SEZ6L2: variants seen among roughly 807,000 people sequenced by gnomAD.
SEZ6L2 encodes the protein seizure related 6 homolog like 2.
Under a neutral mutation model 97.0 loss-of-function variants are expected in SEZ6L2, and 44 were observed. The observed-to-expected ratio is 0.45, with a 90% CI of 0.36 to 0.58. The LOEUF is 0.58. Among genes scored for constraint, SEZ6L2 ranks in the 20% least tolerant of loss-of-function variants. SEZ6L2 has a pLI of 0.00. For synonymous variants in SEZ6L2, 543 were observed against 546.1 expected (o/e 0.99, Z 0.08); for missense variants, 1,086 against 1,233.3 (o/e 0.88, Z 1.79).
Position 29,873,194 on chromosome 16 carries a change from C to G in SEZ6L2, c.2488+46G>C, listed in dbSNP as rs750881312. ...CTACCTGACTCTCCCAGCCCTGTCA[C>G]TTCCCGGACACTGGTGTGCCCCTCC... On this transcript the variant is annotated intron_variant, in intron 14 of 17. Transcript: ENST00000617533. This position sits in a 1 kb window ranked among gnomAD's most constrained non-coding sequence, Gnocchi z 4.3. 6.2e-7 allele frequency: 1 copy of G among 1,603,544 alleles called. No homozygotes were observed. The highest frequency in any genetic ancestry group is 2.2e-5 in the East Asian group (1 of 44,766).
Position 29,871,586 on chromosome 16 carries a change from T to A in SEZ6L2, c.*113A>T. On this transcript the variant is annotated 3_prime_UTR_variant, in exon 18 of 18. Coordinates refer to ENST00000617533, the MANE Select transcript of SEZ6L2 (RefSeq NM_001243332.2). ...CCCCCTCGTGGGATAGGGAGACTATTTACACAGCCAGGGAGGAGGGCAGCC... is the reference window on the plus strand; with the variant it reads ...CCCCCTCGTGGGATAGGGAGACTATATACACAGCCAGGGAGGAGGGCAGCC... The A allele has an allele frequency of 9.3e-7, 1 of 1,075,858 alleles. No individual in the cohort carries two copies. The allele number at this position is 1,075,858 out of a possible 1,614,324, so 66.6% of individuals were successfully genotyped here.
At chr16:29,879,182 C>T (rs1291190588) in intron 9 of SEZ6L2, among the ~76,000 whole-genome samples, 1 of 151,704 alleles carries the variant, frequency 6.6e-6, no homozygotes, top group Non-Finnish European at 1.5e-5. Flanking sequence ...GGATTACAGG[C>T]GTGAGACACT....
At position 29,876,646 on chromosome 16, in the gene SEZ6L2, C is replaced by G; in HGVS notation, c.2104+110G>C. On this transcript the variant is annotated intron_variant, in intron 12 of 17. Coordinates refer to ENST00000617533, the MANE Select transcript of SEZ6L2 (RefSeq NM_001243332.2). The surrounding 1 kb of genome is among the most constrained non-coding windows in gnomAD (Gnocchi z 6.5). ...CTTGAAGAAGATCCAGGAAGGACCC[C>G]GAGCGAAGGGATGGAACCCAGAAAG... The G allele has an allele frequency of 9.8e-7, 1 of 1,018,720 alleles. No individual in the cohort carries two copies. Among genetic ancestry groups the G allele is most frequent in the Non-Finnish European group, 1.4e-6 (1 of 717,548 alleles). 63.1% of individuals were successfully genotyped at this position (1,018,720 alleles called of 1,614,324 possible).
At position 29,874,175 on chromosome 16, in the gene SEZ6L2, G is replaced by A. The variant is rs560021164; in HGVS notation, c.2105-446C>T. On this transcript the variant is annotated intron_variant, in intron 12 of 17. Coordinates refer to ENST00000617533, the MANE Select transcript of SEZ6L2 (RefSeq NM_001243332.2). ...GGCTTAATTTTTTTCAAAATTCAAC[G>A]TATGTTATATTTCAGGCTTCGTTTA... Among the ~76,000 whole-genome samples the A allele has an allele frequency of 2.8e-4, 42 of 152,194 alleles. 2 individuals carry two copies. In the South Asian group the frequency reaches 7.5e-3, roughly 27 times the overall value.
chr16:29,896,506 C>T (rs1204359780), intron 3 of SEZ6L2, among the ~76,000 whole-genome samples: 3 of 151,982 alleles, frequency 2.0e-5, no homozygotes, highest in Non-Finnish European at 2.9e-5. Flanking sequence ...CTCGAACTCC[C>T]GACCTCAGGT....
chr16:29,871,471 G>C lies in SEZ6L2; in HGVS notation c.*228C>G. On this transcript the variant is annotated 3_prime_UTR_variant, in exon 18 of 18. Transcript: ENST00000617533. The stretch of plus-strand genomic sequence containing the variant: ...GAATCCAAAAGCCGGTAGGGCGGGG[G>C]GCAGGCCCCTCGTTTGGCAACTGAG... 3.3e-6 allele frequency: 2 copies of C among 603,490 alleles called. No homozygotes were observed. The highest frequency in any genetic ancestry group is 5.9e-6 in the Non-Finnish European group (2 of 336,868). 37.4% of individuals were successfully genotyped at this position (603,490 alleles called of 1,614,324 possible).
At chr16:29,887,079 G>T (rs1166138386) in intron 7 of SEZ6L2, among the ~76,000 whole-genome samples, 4 of 151,578 alleles carry the variant, frequency 2.6e-5, no homozygotes, top group Non-Finnish European at 5.9e-5. Flanking sequence ...TAATCAGGAG[G>T]CTGAGGCAGG....
chr16:29,888,074 T>G (rs903332324), intron 6 of SEZ6L2, among the ~76,000 whole-genome samples: 2 of 152,022 alleles, frequency 1.3e-5, no homozygotes, highest in Non-Finnish European at 2.9e-5. Context: ...ATGAAGACTC[T>G]CCAACTGCGG....
At chr16:29,893,324 CAAATAAATAAAT>C (rs746053606) in intron 5 of SEZ6L2, among the ~76,000 whole-genome samples, 4 of 151,288 alleles carry the variant, frequency 2.6e-5, no homozygotes, top group African/African-American at 7.3e-5. Context: ...AACTCCATCT[CAAATAAATAAAT>C]AAATAAATAA....
Position 29,876,688 on chromosome 16 carries a change from G to C in SEZ6L2, c.2104+68C>G. ...CCCAGAAAGCACGGGGGTCGGGACAGGACAGGCCGACGACGGGGCCCACAG... is the reference window on the plus strand; with the variant it reads ...CCCAGAAAGCACGGGGGTCGGGACACGACAGGCCGACGACGGGGCCCACAG... On this transcript the variant is annotated intron_variant, in intron 12 of 17. Transcript: ENST00000617533. This position sits in a 1 kb window ranked among gnomAD's most constrained non-coding sequence, Gnocchi z 6.5. The C allele has an allele frequency of 7.0e-7, 1 of 1,422,450 alleles. No individual in the cohort carries two copies. The highest frequency in any genetic ancestry group is 9.4e-7 in the Non-Finnish European group (1 of 1,061,650). 88.1% of individuals were successfully genotyped at this position (1,422,450 alleles called of 1,614,324 possible). A position where few individuals can be genotyped will look rare whatever the true frequency, so the allele number is the denominator to read the frequency against.
intron 6 of SEZ6L2, among the ~76,000 whole-genome samples, chr16:29,888,293 C>T (rs1400881608): frequency 6.6e-6 from 1 of 152,032 alleles, no homozygotes; most frequent in Non-Finnish European, 1.5e-5. Flanking sequence ...AGAATGGTGA[C>T]TCCCAAAATA....
At chr16:29,898,423 T>TTC (rs112555002) in intron 1 of SEZ6L2, among the ~76,000 whole-genome samples, 45,206 of 146,568 alleles carry the variant, frequency 0.31, 6,846 homozygotes, top group East Asian at 0.4. Context: ...TGGCTGTCTT[T>TTC]TCTCTCTCTC....
intron 5 of SEZ6L2, among the ~76,000 whole-genome samples, chr16:29,890,375 TG>T (rs2068245768): frequency 6.6e-6 from 1 of 152,068 alleles, no homozygotes; most frequent in South Asian, 2.1e-4. Context: ...TAGAACAAAG[TG>T]GTTTCAATAA....
In SEZ6L2 at chr16:29,877,323, C is replaced by T. The variant is rs376198309; in HGVS notation, c.1857G>A (p.Pro619=). ...GPDLTLQFQA[P]PGPPNPGLGQ... ...CCAGGCCTGGATTTGGGGGCCCGGG[C>T]GGTGCCTGAAACTGCAGTGTGAGGT... is the stretch of plus-strand genomic sequence containing the variant. The change falls in exon 11 of 18, where the codon CCG becomes CCA. Residue 619 remains proline, a synonymous_variant. Coordinates refer to ENST00000617533, the MANE Select transcript of SEZ6L2 (RefSeq NM_001243332.2). 1.9e-6 allele frequency: 3 copies of T among 1,611,224 alleles called. No individual in the cohort carries two copies. The highest frequency in any genetic ancestry group is 2.5e-6 in the Non-Finnish European group (3 of 1,178,794).
Position 29,873,330 on chromosome 16 carries a change from A to G in SEZ6L2, c.2398T>C (p.Tyr800His). The change falls in exon 14 of 18, where the codon TAT becomes CAT. Residue 800 changes from tyrosine to histidine, a missense_variant. Tyr to His is a moderately conservative substitution (Grantham distance 83, BLOSUM62 2). Transcript: ENST00000617533. This position sits in a 1 kb window ranked among gnomAD's most constrained non-coding sequence, Gnocchi z 4.3. ...TCGCCGATAAGCTCAAAGCCCTCAT[A>G]GCAGAAGAAGCGCAGAGACTCGCCC... Reference protein sequence around the residue: ...QAGESLRFFCYEGFELIGEVT... With the variant: ...QAGESLRFFCHEGFELIGEVT... 2 of 1,614,234 alleles carry G rather than the reference A, an allele frequency of 1.2e-6. No individual in the cohort carries two copies. The highest frequency in any genetic ancestry group is 1.7e-6 in the Non-Finnish European group (2 of 1,180,044).
chr16:29,872,624 C>T, intron 15 of SEZ6L2, 81 bp downstream of exon 15: 4 of 1,599,670 alleles, frequency 2.5e-6, no homozygotes, highest in Non-Finnish European at 2.6e-6. Context: ...TTCATCCCTC[C>T]AAGGCCTGGC....
Position 29,887,555 on chromosome 16 carries a change from G to A in SEZ6L2, c.1208+94C>T, listed in dbSNP as rs143331761. 93 of 1,212,772 alleles carry A rather than the reference G, an allele frequency of 7.7e-5. No homozygotes were observed. In the East Asian group the frequency reaches 2.2e-3, roughly 29 times the overall value. 75.1% of individuals were successfully genotyped at this position (1,212,772 alleles called of 1,614,324 possible). A position where few individuals can be genotyped will look rare whatever the true frequency, so the allele number is the denominator to read the frequency against. ...ACTCGATCTCCTGACCTTGTGATCC[G>A]CCTGCTTCGGCCTCCCAAAGTACTG... is the stretch of plus-strand genomic sequence containing the variant. On this transcript the variant is annotated intron_variant, in intron 7 of 17. Transcript: ENST00000617533.
chr16:29,879,693 C>A (rs1378066549), intron 9 of SEZ6L2, among the ~76,000 whole-genome samples, 171 bp downstream of exon 9: 1 of 152,212 alleles, frequency 6.6e-6, no homozygotes, highest in Non-Finnish European at 1.5e-5. Context: ...CAGTAACAAG[C>A]CCAGCAGTTA....
rs1408029215 is a variant in SEZ6L2 at position 29,879,983 on chromosome 16, G to A, written c.1454C>T (p.Ala485Val). 1 of 1,614,108 alleles carries A rather than the reference G, an allele frequency of 6.2e-7. No individual in the cohort carries two copies. Among genetic ancestry groups the A allele is most frequent in the Non-Finnish European group, 8.5e-7 (1 of 1,180,052 alleles). ...TGGGAGGCACGAGAAGGTTGCCAGT[G>A]CCCCTGGGCGATACTCAGGGTCCGT... ...TTTDPEYRPG[A>V]LATFSCLPGY... The change falls in exon 9 of 18, where the codon GCA becomes GTA. Residue 485 changes from alanine to valine, a missense_variant. Physicochemically the swap from Ala to Val is moderately conservative, Grantham distance 64. Around this residue, in one of 2 missense-constraint regions of SEZ6L2, gnomAD observed 776 missense variants for 794.7 expected, o/e 0.98. Transcript: ENST00000617533.
Sources: allele counts gnomAD v4.1 joint callset (sites outside exome capture counted in the v4.1 genomes callset), GRCh38; gene constraint gnomAD v4.1.1; regional missense constraint gnomAD v4.1.1; non-coding constraint Gnocchi (gnomAD v3.1); transcripts MANE v1.5; gene names NCBI Gene and HGNC (gene_info 2026-07-23, HGNC 2026-07-21).